Variants in SWT1 observed in about 807,000 individuals in gnomAD.
The protein encoded by SWT1 is SWT1 RNA endoribonuclease homolog, also known as transcriptional protein SWT1.
A neutral mutation model predicts 107.3 loss-of-function variants in SWT1; 33 were observed. The observed-to-expected ratio is 0.31, with a 90% confidence interval of 0.23 to 0.41. The LOEUF is 0.41. Ranked by LOEUF, SWT1 falls within the 10% of genes least tolerant of loss-of-function variation. SWT1 has a pLI of 1.00. For synonymous variants in SWT1, 345 were observed against 348.3 expected (o/e 0.99, Z 0.11); for missense variants, 898 against 1,028.9 (o/e 0.87, Z 1.74).
chr1:185,165,276 A>G (rs1299367533), intron 2 of SWT1, among the ~76,000 whole-genome samples: 1 of 152,244 alleles, frequency 6.6e-6, no homozygotes, highest in Non-Finnish European at 1.5e-5. Context: ...ACAACAATGA[A>G]AACATTTGAA....
At chr1:185,255,477 A>G (rs1482072241) in intron 16 of SWT1, among the ~76,000 whole-genome samples, 1 of 131,764 alleles carries the variant, frequency 7.6e-6, no homozygotes, top group Non-Finnish European at 1.6e-5. Context: ...TATTGGGTGC[A>G]TATATATTTA....
intron 15 of SWT1, among the ~76,000 whole-genome samples, chr1:185,222,333 T>G (rs1659719111): frequency 6.6e-6 from 1 of 152,194 alleles, no homozygotes; most frequent in Non-Finnish European, 1.5e-5. Context: ...TGTACCACAT[T>G]TCCTTTATGC....
upstream of SWT1, chr1:185,157,105 G>A (rs1653640182): frequency 1.1e-5 from 2 of 186,978 alleles, no homozygotes. Flanking sequence ...GTCTGGGGGC[G>A]GGGCCGGAGT....
At chr1:185,231,247 G>A (rs374085115) in intron 15 of SWT1, among the ~76,000 whole-genome samples, 27 of 151,888 alleles carry the variant, frequency 1.8e-4, no homozygotes, top group African/African-American at 6.5e-4. Flanking sequence ...TTTCTTCATC[G>A]TTCTCATCCT....
chr1:185,214,661 A>G lies in SWT1; in HGVS notation c.2121+6A>G. 9 of 1,600,866 alleles carry G rather than the reference A, an allele frequency of 5.6e-6. No individual in the cohort carries two copies. The South Asian group carries it at 9.1e-5, about 16-fold the overall frequency. On this transcript the variant is annotated splice_donor_region_variant and intron_variant, in intron 14 of 18. Transcript: ENST00000367500. The stretch of plus-strand genomic sequence containing the variant: ...TCCTTCAGACATTTGCAGAGGTAAG[A>G]TGCCTTTGGAATGCCAGTTAGAGTA...
At chr1:185,251,019 T>A (rs1661977922) in intron 16 of SWT1, among the ~76,000 whole-genome samples, 1 of 152,178 alleles carries the variant, frequency 6.6e-6, no homozygotes, top group Admixed American at 6.5e-5. Context: ...CTATCTCTAG[T>A]AAATCTAAAT....
At chr1:185,290,467 G>A (rs190708921) in intron 18 of SWT1, among the ~76,000 whole-genome samples, 2 of 151,952 alleles carry the variant, frequency 1.3e-5, no homozygotes, top group East Asian at 1.9e-4. Flanking sequence ...ACATGTCCTC[G>A]CCACAAAAAT....
At chr1:185,159,717 AT>A (rs944273168) in intron 1 of SWT1, among the ~76,000 whole-genome samples, 1 of 151,908 alleles carries the variant, frequency 6.6e-6, no homozygotes, top group Non-Finnish European at 1.5e-5. Flanking sequence ...GTATTTTAAT[AT>A]TTTTTTATAT....
At position 185,268,853 on chromosome 1, in the gene SWT1, C is replaced by CTT. The variant is rs71101966; in HGVS notation, c.2442-2454_2442-2453dup. 4.5e-3 allele frequency among the ~76,000 whole-genome samples: 600 copies of CTT among 134,538 alleles called. 7 individuals are homozygous for CTT. The highest frequency in any genetic ancestry group is 6.7e-3 in the African/African-American group (245 of 36,780). 88.3% of individuals were successfully genotyped at this position (134,538 alleles called of 152,430 possible). ...GATAGTTTGTTTTCTTTCTTTTTCT[C>CTT]TTTTTTTTTTTTTTTTTGAGACGGA... On this transcript the variant is annotated intron_variant, in intron 16 of 18. Coordinates refer to ENST00000367500, the MANE Select transcript of SWT1 (RefSeq NM_017673.7).
At chr1:185,225,997 T>A (rs1660024155) in intron 15 of SWT1, among the ~76,000 whole-genome samples, 1 of 152,210 alleles carries the variant, frequency 6.6e-6, no homozygotes, top group South Asian at 2.1e-4. Flanking sequence ...TATTTTCATA[T>A]AAAGCAAAGG....
chr1:185,168,335 T>A lies in SWT1; in HGVS notation c.166-5T>A. ...ATTTATGTGTCCTTTTTTTATTTAT[T>A]TCAGAAATCAGATCATACAGATGTT... On this transcript the variant is annotated splice_region_variant and splice_polypyrimidine_tract_variant and intron_variant, in intron 3 of 18. Transcript: ENST00000367500. 7.3e-7 allele frequency: 1 copy of A among 1,377,746 alleles called. No homozygotes were observed. The highest frequency in any genetic ancestry group is 9.7e-7 in the Non-Finnish European group (1 of 1,031,542). 85.3% of individuals were successfully genotyped at this position (1,377,746 alleles called of 1,614,324 possible). A position where few individuals can be genotyped will look rare whatever the true frequency, so the allele number is the denominator to read the frequency against.
chr1:185,213,995 G>C (rs2102497702), intron 13 of SWT1, among the ~76,000 whole-genome samples: 1 of 152,214 alleles, frequency 6.6e-6, no homozygotes, highest in South Asian at 2.1e-4. Context: ...TACATATAGA[G>C]ATAACTCATA....
intron 10 of SWT1, among the ~76,000 whole-genome samples, chr1:185,192,245 A>G (rs532180493): frequency 1.5e-4 from 23 of 152,272 alleles, no homozygotes; most frequent in African/African-American, 5.5e-4. Flanking sequence ...TATTTATTTG[A>G]TATCTCTTGG....
At chr1:185,195,784 A>G (rs1168162570) in intron 10 of SWT1, among the ~76,000 whole-genome samples, 2 of 152,226 alleles carry the variant, frequency 1.3e-5, no homozygotes, top group African/African-American at 4.8e-5. Flanking sequence ...TTGTTGACAC[A>G]TAAATGTCTT....
chr1:185,260,917 C>G (rs1375594005), intron 16 of SWT1, among the ~76,000 whole-genome samples: 1 of 152,076 alleles, frequency 6.6e-6, no homozygotes, highest in Non-Finnish European at 1.5e-5. Flanking sequence ...CACAGTAATT[C>G]TACAAAGTCT....
At chr1:185,190,710 G>C in intron 10 of SWT1, 68 bp downstream of exon 10, 1 of 960,952 alleles carries the variant, frequency 1.0e-6, no homozygotes, top group South Asian at 1.6e-5. Flanking sequence ...AAAATCATAT[G>C]GTATCCAGCA....
At chr1:185,259,873 A>G (rs1662898395) in intron 16 of SWT1, among the ~76,000 whole-genome samples, 1 of 152,168 alleles carries the variant, frequency 6.6e-6, no homozygotes, top group East Asian at 1.9e-4. Context: ...TAGTACTTAC[A>G]TTACATTCAT....
At chr1:185,250,625 A>T (rs1357825819) in intron 16 of SWT1, among the ~76,000 whole-genome samples, 2 of 152,158 alleles carry the variant, frequency 1.3e-5, no homozygotes, top group Non-Finnish European at 1.5e-5. Flanking sequence ...CAAATGTCTA[A>T]AACTAAACTC....
At chr1:185,286,988 T>C (rs1313222725) in intron 18 of SWT1, among the ~76,000 whole-genome samples, 1 of 152,204 alleles carries the variant, frequency 6.6e-6, no homozygotes, top group Admixed American at 6.5e-5. Context: ...GTATTTTATA[T>C]ATTACATTGT....
Sources: allele counts gnomAD v4.1 joint callset (sites outside exome capture counted in the v4.1 genomes callset), GRCh38; gene constraint gnomAD v4.1.1; transcripts MANE v1.5; gene names NCBI Gene and HGNC (gene_info 2026-07-23, HGNC 2026-07-21).